The following HTR2C variants were observed in gnomAD, a reference collection of about 807,000 sequenced individuals.
HTR2C encodes 5-hydroxytryptamine (serotonin) receptor 2C, G protein-coupled.
A neutral mutation model predicts 21.0 loss-of-function variants in HTR2C; 5 were observed. The ratio of observed to expected loss-of-function variants is 0.24; its 90% CI spans 0.12 to 0.50. HTR2C has a LOEUF of 0.50. Among genes scored for constraint, HTR2C ranks in the 20% least tolerant of loss-of-function variants. The pLI, the probability that HTR2C is intolerant of heterozygous loss-of-function variation, is 0.98. For missense variants in HTR2C, 271 were observed against 371.2 expected, an observed-to-expected ratio of 0.73 and a Z score of 2.22; for synonymous variants, 150 against 145.3, an observed-to-expected ratio of 1.03 and a Z score of -0.23.
At chrX:114,823,515 G>C (rs1556457133) in intron 4 of HTR2C, 1 of 346,986 alleles carries the variant, frequency 2.9e-6, no homozygotes. Context: ...ATAAGAGGGG[G>C]CTGGCTGGTT....
At chrX:114,699,547 G>C (rs1415968506) in intron 2 of HTR2C, among the ~76,000 whole-genome samples, 2 of 111,756 alleles carry the variant, frequency 1.8e-5, no homozygotes, top group Non-Finnish European at 3.8e-5. Context: ...CTCAGTTAAG[G>C]TTTATTCAAT....
intron 4 of HTR2C, among the ~76,000 whole-genome samples, chrX:114,762,396 A>G (rs1302083205): frequency 2.7e-5 from 3 of 111,607 alleles, no homozygotes; most frequent in African/African-American, 9.8e-5. Flanking sequence ...TTCTCAAAAC[A>G]TATACAGTTT....
chrX:114,655,054 C>T, intron 2 of HTR2C, among the ~76,000 whole-genome samples: 1 of 106,342 alleles, frequency 9.4e-6, no homozygotes, highest in Admixed American at 1.0e-4. Flanking sequence ...AAAAAAAAAG[C>T]CATACCAAGA....
intron 2 of HTR2C, among the ~76,000 whole-genome samples, chrX:114,663,435 C>T (rs1182879658): frequency 9.0e-6 from 1 of 111,566 alleles, no homozygotes; most frequent in Admixed American, 9.6e-5. Flanking sequence ...ACTTATGAAG[C>T]TTTGAGCAAA....
At chrX:114,788,233 C>T (rs1280844446) in intron 4 of HTR2C, among the ~76,000 whole-genome samples, 2 of 111,049 alleles carry the variant, frequency 1.8e-5, no homozygotes, top group African/African-American at 6.6e-5. Context: ...CGTTTTTACC[C>T]TTCATGAGTT....
intron 5 of HTR2C, among the ~76,000 whole-genome samples, chrX:114,901,733 G>A (rs1443133689): frequency 1.8e-5 from 2 of 111,517 alleles, no homozygotes; most frequent in African/African-American, 6.5e-5. Flanking sequence ...AGTTGAAGAA[G>A]TACCTAAGGT....
intron 2 of HTR2C, among the ~76,000 whole-genome samples, chrX:114,652,396 T>C (rs374857166): frequency 2.7e-5 from 3 of 110,730 alleles, no homozygotes; most frequent in East Asian, 5.6e-4. Flanking sequence ...GAAGTACTTG[T>C]TAAGAGGCCT....
intron 5 of HTR2C, among the ~76,000 whole-genome samples, chrX:114,850,975 C>T (rs782316332): frequency 4.9e-4 from 54 of 110,978 alleles, no homozygotes; most frequent in Non-Finnish European, 8.9e-4. Flanking sequence ...ATAGACTTTT[C>T]GGCAAAAAAC....
intron 2 of HTR2C, among the ~76,000 whole-genome samples, chrX:114,704,135 G>T (rs1453166410): frequency 1.8e-5 from 2 of 111,390 alleles, no homozygotes; most frequent in Non-Finnish European, 3.8e-5. Context: ...GAGGTACAAG[G>T]AGGAACTGGT....
intron 4 of HTR2C, among the ~76,000 whole-genome samples, chrX:114,795,367 A>C (rs1226383585): frequency 6.3e-5 from 7 of 110,434 alleles, no homozygotes; most frequent in East Asian, 2.9e-4. Flanking sequence ...TCTTTAGTTT[A>C]ATTAGATCCC....
At chrX:114,764,581 G>A (rs1444717358) in intron 4 of HTR2C, among the ~76,000 whole-genome samples, 2 of 111,385 alleles carry the variant, frequency 1.8e-5, no homozygotes, top group African/African-American at 3.3e-5. Context: ...AAATAACAAC[G>A]GCCAACACTT....
chrX:114,898,711 C>A (rs887388822), intron 5 of HTR2C, among the ~76,000 whole-genome samples: 2 of 111,583 alleles, frequency 1.8e-5, no homozygotes, highest in African/African-American at 6.5e-5. Flanking sequence ...TGTAGGTGTG[C>A]AGTCTTATTT....
At chrX:114,817,484 G>A (rs1007541027) in intron 4 of HTR2C, among the ~76,000 whole-genome samples, 15 of 111,869 alleles carry the variant, frequency 1.3e-4, no homozygotes, top group African/African-American at 3.2e-4. Flanking sequence ...CAACTATTTC[G>A]GGACTTTGAA....
At chrX:114,903,014 A>G (rs902910032) in intron 5 of HTR2C, among the ~76,000 whole-genome samples, 11 of 112,175 alleles carry the variant, frequency 9.8e-5, no homozygotes, top group African/African-American at 2.9e-4. Flanking sequence ...GTTTTGGTTG[A>G]AATTTATGAA....
chrX:114,667,424 T>C (rs1931219122), intron 2 of HTR2C, among the ~76,000 whole-genome samples: 1 of 111,348 alleles, frequency 9.0e-6, no homozygotes, highest in Non-Finnish European at 1.9e-5. Context: ...TAATCTGACA[T>C]AAACAATTTA....
intron 4 of HTR2C, among the ~76,000 whole-genome samples, chrX:114,773,852 A>T (rs1556437839): frequency 8.9e-6 from 1 of 112,028 alleles, no homozygotes; most frequent in Non-Finnish European, 1.9e-5. Flanking sequence ...AATGAAATTA[A>T]AATCTTTATT....
At chrX:114,812,414 A>G (rs1469273262) in intron 4 of HTR2C, among the ~76,000 whole-genome samples, 1 of 110,118 alleles carries the variant, frequency 9.1e-6, no homozygotes, top group Non-Finnish European at 1.9e-5. Flanking sequence ...ACAGAGCAAG[A>G]ATGTTTAAGC....
intron 4 of HTR2C, among the ~76,000 whole-genome samples, chrX:114,806,483 A>G (rs1249296958): frequency 1.0e-3 from 4 of 3,934 alleles, no homozygotes; most frequent in Non-Finnish European, 4.4e-3. Context: ...TATACTGTAT[A>G]TATATACACC....
chrX:114,845,998 GC>G (rs2070871252), intron 4 of HTR2C, among the ~76,000 whole-genome samples: 1 of 110,168 alleles, frequency 9.1e-6, no homozygotes, highest in Admixed American at 9.7e-5. Flanking sequence ...AGACAACAGA[GC>G]AAGATCCTAT....
Sources: allele counts gnomAD v4.1 joint callset (sites outside exome capture counted in the v4.1 genomes callset), GRCh38; gene constraint gnomAD v4.1.1; transcripts MANE v1.5; gene names NCBI Gene and HGNC (gene_info 2026-07-23, HGNC 2026-07-21).